The following SBF2 variants were observed in gnomAD, a reference collection of about 807,000 sequenced individuals.
SBF2 encodes SET binding factor 2.
Under a neutral mutation model 225.2 loss-of-function variants are expected in SBF2, and 112 were observed. That is an observed-to-expected ratio of 0.50 (90% CI 0.43 to 0.58). The LOEUF (loss-of-function observed/expected upper bound fraction) is 0.58. Ranked by LOEUF, SBF2 falls within the 20% of genes least tolerant of loss-of-function variation. SBF2 has a pLI of 0.00. For synonymous variants in SBF2, 763 were observed against 773.3 expected (o/e 0.99, Z 0.22); for missense variants, 1,996 against 2,206.2 (o/e 0.90, Z 1.91).
chr11:10,092,626 A>T (rs1951828887), intron 2 of SBF2, among the ~76,000 whole-genome samples: 1 of 152,242 alleles, frequency 6.6e-6, no homozygotes, highest in Non-Finnish European at 1.5e-5. Context: ...ATTCTGGCAG[A>T]TCTAAGTCAA....
At chr11:10,154,840 T>C (rs1270632110) in intron 2 of SBF2, among the ~76,000 whole-genome samples, 1 of 152,176 alleles carries the variant, frequency 6.6e-6, no homozygotes. Context: ...GTTAAAATTA[T>C]TCAAGGCTAG....
intron 36 of SBF2, among the ~76,000 whole-genome samples, chr11:9,786,416 T>C (rs1852378326): frequency 6.6e-6 from 1 of 152,142 alleles, no homozygotes; most frequent in Admixed American, 6.5e-5. Flanking sequence ...TAAACTATTA[T>C]TTTTCTAACA....
chr11:9,790,787 G>T, intron 33 of SBF2, 104 bp from the exon 34 acceptor site: 1 of 904,730 alleles, frequency 1.1e-6, no homozygotes, highest in Non-Finnish European at 1.7e-6. Flanking sequence ...ATTTTTTATG[G>T]CTTTAAAAAC....
At chr11:10,168,825 A>C (rs1464169841) in intron 2 of SBF2, among the ~76,000 whole-genome samples, 1 of 152,214 alleles carries the variant, frequency 6.6e-6, no homozygotes, top group Admixed American at 6.5e-5. Flanking sequence ...CAGAAGTCTC[A>C]GGAAAAACAG....
chr11:10,042,373 T>C (rs1949685975), intron 3 of SBF2, among the ~76,000 whole-genome samples: 1 of 152,220 alleles, frequency 6.6e-6, no homozygotes, highest in African/African-American at 2.4e-5. Flanking sequence ...TATGTCTTCA[T>C]AGTTCTAGCT....
At chr11:10,102,527 G>A (rs1238260844) in intron 2 of SBF2, among the ~76,000 whole-genome samples, 1 of 152,168 alleles carries the variant, frequency 6.6e-6, no homozygotes, top group African/African-American at 2.4e-5. Context: ...TGGTTTTCGT[G>A]AAAGACAATG....
intron 6 of SBF2, among the ~76,000 whole-genome samples, chr11:10,023,266 C>T (rs1202105265): frequency 6.6e-6 from 1 of 152,128 alleles, no homozygotes; most frequent in Admixed American, 6.5e-5. Flanking sequence ...TTTCAACCAA[C>T]TGCAATTATT....
At chr11:10,279,935 C>T (rs1410934891) in intron 1 of SBF2, among the ~76,000 whole-genome samples, 3 of 152,188 alleles carry the variant, frequency 2.0e-5, no homozygotes, top group Non-Finnish European at 4.4e-5. Flanking sequence ...AGGCGTGAGC[C>T]ACCACGCCTG....
At chr11:10,263,184 TA>T (rs35103287) in intron 1 of SBF2, among the ~76,000 whole-genome samples, 2 of 151,696 alleles carry the variant, frequency 1.3e-5, no homozygotes, top group Non-Finnish European at 2.9e-5. Flanking sequence ...TCCTTTTAAA[TA>T]AAAAAAATCA....
chr11:10,000,613 T>C (rs752868325), intron 8 of SBF2, among the ~76,000 whole-genome samples: 5 of 152,178 alleles, frequency 3.3e-5, no homozygotes, highest in Admixed American at 1.3e-4. Flanking sequence ...TATGCACTAA[T>C]ATCAAAAGTA....
chr11:9,892,801 C>T (rs907215929), intron 17 of SBF2, among the ~76,000 whole-genome samples: 5 of 152,102 alleles, frequency 3.3e-5, no homozygotes, highest in South Asian at 2.1e-4. Context: ...TCAGGTGATC[C>T]GCCCGCCTCG....
At chr11:10,037,697 C>G (rs1949497053) in intron 3 of SBF2, among the ~76,000 whole-genome samples, 1 of 148,384 alleles carries the variant, frequency 6.7e-6, no homozygotes, top group Non-Finnish European at 1.5e-5. Context: ...TCTGTTCTCT[C>G]AAATTTTTTC....
intron 1 of SBF2, among the ~76,000 whole-genome samples, chr11:10,226,298 T>A (rs1958539771): frequency 6.6e-6 from 1 of 152,034 alleles, no homozygotes; most frequent in Non-Finnish European, 1.5e-5. Context: ...CAAAACATGT[T>A]TTTTGCATGT....
intron 17 of SBF2, among the ~76,000 whole-genome samples, chr11:9,859,799 A>G (rs1047239099): frequency 3.9e-5 from 6 of 152,214 alleles, no homozygotes; most frequent in African/African-American, 9.6e-5. Context: ...GAAATGTAGT[A>G]CCTGTGTAGT....
chr11:9,842,786 C>T lies in SBF2; in HGVS notation c.3111-16G>A. ...TGAGAAGGTACTACAAGTCATAAAACCAAAGAGAATGTCAACTTAATATAA... is the reference window on the plus strand; with the variant it reads ...TGAGAAGGTACTACAAGTCATAAAATCAAAGAGAATGTCAACTTAATATAA... On this transcript the variant is annotated splice_polypyrimidine_tract_variant and intron_variant, in intron 24 of 39. Coordinates refer to ENST00000256190, the MANE Select transcript of SBF2 (RefSeq NM_030962.4). The T allele has an allele frequency of 6.2e-7, 1 of 1,613,560 alleles. No homozygotes were observed. The highest frequency in any genetic ancestry group is 8.5e-7 in the Non-Finnish European group (1 of 1,179,650).
chr11:9,917,690 TC>T (rs1190832882), intron 16 of SBF2, among the ~76,000 whole-genome samples: 2 of 151,460 alleles, frequency 1.3e-5, no homozygotes, highest in Non-Finnish European at 2.9e-5. Flanking sequence ...CTTTTTTTTT[TC>T]ATCTTCAGAT....
intron 2 of SBF2, among the ~76,000 whole-genome samples, chr11:10,148,170 A>G (rs761125683): frequency 1.3e-5 from 2 of 152,178 alleles, no homozygotes; most frequent in African/African-American, 2.4e-5. Context: ...CCTTAACCCA[A>G]TGAAAGTCTA....
intron 21 of SBF2, among the ~76,000 whole-genome samples, 175 bp from the exon 22 acceptor site, chr11:9,850,393 C>T (rs957176047): frequency 1.4e-4 from 21 of 152,100 alleles, no homozygotes; most frequent in African/African-American, 4.6e-4. Context: ...GTAGCTGAGA[C>T]TACAGGCATG....
intron 32 of SBF2, among the ~76,000 whole-genome samples, chr11:9,800,703 G>A (rs10840307): frequency 0.35 from 52,876 of 151,736 alleles, 9,989 homozygotes; most frequent in Non-Finnish European, 0.42. Flanking sequence ...CACCGTGCCT[G>A]GCCAAAAAAA....
Sources: allele counts gnomAD v4.1 joint callset (sites outside exome capture counted in the v4.1 genomes callset), GRCh38; gene constraint gnomAD v4.1.1; transcripts MANE v1.5; gene names NCBI Gene and HGNC (gene_info 2026-07-23, HGNC 2026-07-21).